ZNF521: variants seen among roughly 807,000 people sequenced by gnomAD.
The protein encoded by ZNF521 is zinc finger protein 521.
A neutral mutation model predicts 105.5 loss-of-function variants in ZNF521; 14 were observed. The observed-to-expected ratio is 0.13, with a 90% CI of 0.09 to 0.21. ZNF521 has a LOEUF of 0.21. Among genes scored for constraint, ZNF521 ranks in the 10% least tolerant of loss-of-function variants. The probability of loss-of-function intolerance (pLI) is 1.00; values close to 1 mark genes in which losing one functional copy is unlikely to be tolerated. For missense variants in ZNF521, 1,233 were observed against 1,629.7 expected (o/e 0.76, Z 4.19); for synonymous variants, 635 against 606.0 (o/e 1.05, Z -0.70).
chr18:25,145,245 T>C (rs1279501073), intron 5 of ZNF521, among the ~76,000 whole-genome samples: 6 of 152,156 alleles, frequency 3.9e-5, no homozygotes, highest in Non-Finnish European at 8.8e-5. Context: ...AAGAGAAATA[T>C]CAGTCTCCCT....
At chr18:25,153,380 GC>G (rs2035083594) in intron 5 of ZNF521, among the ~76,000 whole-genome samples, 1 of 152,150 alleles carries the variant, frequency 6.6e-6, no homozygotes, top group South Asian at 2.1e-4. Flanking sequence ...GTTCTACCCT[GC>G]CCCCTCTCTT....
intron 7 of ZNF521, among the ~76,000 whole-genome samples, chr18:25,078,341 G>C (rs535297954): frequency 1.6e-4 from 25 of 152,302 alleles, no homozygotes; most frequent in African/African-American, 5.5e-4. Flanking sequence ...TACCAACCAG[G>C]ATTTCAGGCT....
chr18:25,243,292 T>C (rs2144809135), intron 3 of ZNF521, among the ~76,000 whole-genome samples: 1 of 152,310 alleles, frequency 6.6e-6, no homozygotes, highest in Middle Eastern at 3.4e-3. Context: ...GTATCATGCC[T>C]CAATTTACGT....
chr18:25,288,499 T>C (rs1910828546), intron 3 of ZNF521, among the ~76,000 whole-genome samples: 1 of 151,690 alleles, frequency 6.6e-6, no homozygotes, highest in South Asian at 2.1e-4. Context: ...GCTCACTCTT[T>C]CTCTTTTCCT....
At chr18:25,063,695 C>A (rs2032973319) in intron 7 of ZNF521, among the ~76,000 whole-genome samples, 1 of 152,124 alleles carries the variant, frequency 6.6e-6, no homozygotes, top group African/African-American at 2.4e-5. Flanking sequence ...AGGAACCAGG[C>A]CTGGATGATG....
chr18:25,209,485 C>T (rs1021232271), intron 4 of ZNF521, among the ~76,000 whole-genome samples: 1 of 152,140 alleles, frequency 6.6e-6, no homozygotes, highest in African/African-American at 2.4e-5. Flanking sequence ...ACAATTTTTA[C>T]TACGTTTTCC....
chr18:25,338,413 A>C (rs562419117), intron 2 of ZNF521, among the ~76,000 whole-genome samples: 2 of 149,292 alleles, frequency 1.3e-5, no homozygotes, highest in Non-Finnish European at 3.0e-5. Context: ...GTTTTTCTAC[A>C]TTTTTTTTTT....
At chr18:25,200,574 A>G (rs1395390519) in intron 4 of ZNF521, among the ~76,000 whole-genome samples, 2 of 152,140 alleles carry the variant, frequency 1.3e-5, no homozygotes, top group South Asian at 2.1e-4. Context: ...CACTTCTATC[A>G]GAATCCTTAT....
At chr18:25,295,388 G>A (rs1172498249) in intron 3 of ZNF521, among the ~76,000 whole-genome samples, 1 of 151,962 alleles carries the variant, frequency 6.6e-6, no homozygotes, top group Non-Finnish European at 1.5e-5. Flanking sequence ...AATGCTTTAC[G>A]ACCTAGTATT....
At chr18:25,073,173 G>A (rs575010644) in intron 7 of ZNF521, among the ~76,000 whole-genome samples, 28 of 151,964 alleles carry the variant, frequency 1.8e-4, no homozygotes, top group Non-Finnish European at 3.7e-4. Context: ...CCAGTCAAAC[G>A]CAATTAAACA....
chr18:25,137,040 C>T (rs1289074961), intron 5 of ZNF521, among the ~76,000 whole-genome samples: 2 of 152,130 alleles, frequency 1.3e-5, no homozygotes, highest in Admixed American at 6.5e-5. Context: ...GGATGAGTCT[C>T]GCCACACCAC....
At chr18:25,206,185 T>C (rs1015212235) in intron 4 of ZNF521, among the ~76,000 whole-genome samples, 3 of 152,038 alleles carry the variant, frequency 2.0e-5, no homozygotes, top group Non-Finnish European at 2.9e-5. Context: ...TTTTTGTATT[T>C]TTAGTAGAGA....
intron 2 of ZNF521, among the ~76,000 whole-genome samples, chr18:25,342,539 C>T (rs7241584): frequency 0.53 from 70,630 of 133,414 alleles, 21,750 homozygotes; most frequent in Non-Finnish European, 0.58. Flanking sequence ...CGCCATTCTC[C>T]TGCCTCAGCC....
At chr18:25,350,813 G>A (rs1914715924) in intron 2 of ZNF521, 94 bp downstream of exon 2, 28 of 1,401,608 alleles carry the variant, frequency 2.0e-5, no homozygotes, top group Non-Finnish European at 2.7e-5. Context: ...ACACTCACGC[G>A]CGCACACGCC....
chr18:25,268,320 A>G (rs908416523), intron 3 of ZNF521, among the ~76,000 whole-genome samples: 2 of 152,216 alleles, frequency 1.3e-5, no homozygotes, highest in African/African-American at 4.8e-5. Flanking sequence ...GCTGTACCTG[A>G]AAGTGATGGG....
rs760255851 is a variant in ZNF521 at position 25,322,044 on chromosome 18, T to C, written c.184A>G (p.Ile62Val). 2.5e-6 allele frequency: 4 copies of C among 1,614,222 alleles called. No individual in the cohort carries two copies. The Middle Eastern group carries it at 4.9e-4, about 200-fold the overall frequency. The change falls in exon 3 of 8, where the codon ATC becomes GTC. Residue 62 changes from isoleucine to valine, a missense_variant. Transcript: ENST00000361524. ...CLQVFESLSD[I>V]TEHKINQCQL... ...CATTGATTAATCTTGTGTTCTGTGA[T>C]ATCGCTCAGCGATTCAAACACCTGG...
intron 3 of ZNF521, among the ~76,000 whole-genome samples, chr18:25,234,110 T>TG (rs1906719470): frequency 1.3e-5 from 2 of 152,060 alleles, no homozygotes; most frequent in Middle Eastern, 3.4e-3. Flanking sequence ...TCCAATTATG[T>TG]GGGGGGTGAG....
At chr18:25,309,306 G>A (rs374529371) in intron 3 of ZNF521, among the ~76,000 whole-genome samples, 7 of 152,204 alleles carry the variant, frequency 4.6e-5, no homozygotes, top group African/African-American at 1.7e-4. Flanking sequence ...AAATGATTGA[G>A]GTTAGAAGAT....
At chr18:25,086,201 T>C (rs559743113) in intron 7 of ZNF521, among the ~76,000 whole-genome samples, 5 of 152,276 alleles carry the variant, frequency 3.3e-5, no homozygotes, top group Admixed American at 2.6e-4. Flanking sequence ...CTATTTTCTA[T>C]TGTCACCTGA....
Sources: allele counts gnomAD v4.1 joint callset (sites outside exome capture counted in the v4.1 genomes callset), GRCh38; gene constraint gnomAD v4.1.1; transcripts MANE v1.5; gene names NCBI Gene and HGNC (gene_info 2026-07-23, HGNC 2026-07-21).